Variants in TET1 observed in about 807,000 individuals in gnomAD.
TET1 encodes methylcytosine dioxygenase TET1.
TET1 carries 13 observed loss-of-function variants against 148.7 expected under a neutral mutation model. The observed-to-expected ratio is 0.09, with a 90% CI of 0.06 to 0.14. The LOEUF is 0.14. TET1 is among the 10% of genes least tolerant of loss of function. TET1 has a pLI of 1.00. For synonymous variants in TET1, 907 were observed against 937.2 expected, an observed-to-expected ratio of 0.97 and a Z score of 0.59; for missense variants, 2,182 against 2,553.8, an observed-to-expected ratio of 0.85 and a Z score of 3.14.
At position 68,673,044 on chromosome 10, in the gene TET1, A is replaced by G. The variant is rs755912455; in HGVS notation, c.4823A>G (p.His1608Arg). 5.0e-6 allele frequency: 8 copies of G among 1,602,650 alleles called. No individual in the cohort carries two copies. The highest frequency in any genetic ancestry group is 6.8e-6 in the Non-Finnish European group (8 of 1,172,620). The change falls in exon 8 of 12, where the codon CAT (histidine) becomes CGT (arginine). Residue 1608 changes from histidine (H) to arginine (R), a missense_variant and splice_region_variant. By Grantham distance (29) the His-to-Arg change is conservative. Transcript: ENST00000373644. ...RFRIDPSSPL[H>R]EKNLEDNLQS... Reference sequence around the variant, plus strand: ...AGAATTGATCCAAGCTCTCCCTTACATGTAAGTGTCCTTCTTTATTCAAAT... The same window carrying G: ...AGAATTGATCCAAGCTCTCCCTTACGTGTAAGTGTCCTTCTTTATTCAAAT...
chr10:68,622,710 G>A lies in TET1; in HGVS notation c.1968+21676G>A, dbSNP rs1037397917. ...ACATTGGCAGTTTTAAAGAATCTTG[G>A]TCTGTTATTTTGTAGAATGTCCCTG... On this transcript the variant is annotated intron_variant, in intron 3 of 11. Coordinates refer to ENST00000373644, the MANE Select transcript of TET1 (RefSeq NM_030625.3). Among the ~76,000 whole-genome samples, 17 of 151,898 alleles carry A rather than the reference G, an allele frequency of 1.1e-4. 1 individual carries two copies. Among genetic ancestry groups the A allele is most frequent in the African/African-American group, 3.9e-4 (16 of 41,300 alleles).
chr10:68,595,153 G>GA lies in TET1; in HGVS notation c.1915-5814dup, dbSNP rs113065548. 3.3e-3 allele frequency among the ~76,000 whole-genome samples: 443 copies of GA among 135,360 alleles called. 1 individual carries two copies. Among genetic ancestry groups the GA allele is most frequent in the Middle Eastern group, 0.019 (5 of 264 alleles). The allele number at this position is 135,360 out of a possible 152,430, so 88.8% of individuals were successfully genotyped here. On this transcript the variant is annotated intron_variant, in intron 2 of 11. Coordinates refer to ENST00000373644, the MANE Select transcript of TET1 (RefSeq NM_030625.3). The stretch of plus-strand genomic sequence containing the variant: ...GGGGAAGAGAGTGAGACCCTATCAA[G>GA]AAAAAAAAAAAAAATCTCTGAAAGG...
At chr10:68,561,542 C>G (rs1205383857) in intron 1 of TET1, among the ~76,000 whole-genome samples, 1 of 152,156 alleles carries the variant, frequency 6.6e-6, no homozygotes, top group Non-Finnish European at 1.5e-5. Flanking sequence ...GATCCCGGAG[C>G]GGGCCCCGAG....
chr10:68,562,120 C>A (rs775811140), intron 1 of TET1, among the ~76,000 whole-genome samples: 1 of 152,196 alleles, frequency 6.6e-6, no homozygotes, highest in Non-Finnish European at 1.5e-5. Context: ...CCTGGGCCGG[C>A]GGGGTGAGCC....
Position 68,613,939 on chromosome 10 carries a change from A to C in TET1, c.1968+12905A>C, listed in dbSNP as rs1326630922. 4.6e-5 allele frequency among the ~76,000 whole-genome samples: 3 copies of C among 64,856 alleles called. No homozygotes were observed. In the South Asian group the frequency reaches 1.4e-3, roughly 31 times the overall value. The allele number at this position is 64,856 out of a possible 152,430, so 42.5% of individuals were successfully genotyped here. On this transcript the variant is annotated intron_variant, in intron 3 of 11. Coordinates refer to ENST00000373644, the MANE Select transcript of TET1 (RefSeq NM_030625.3). ...GAGGACAAGAGCGAGACTTCGTCTC[A>C]AAAAAAAAAAAAAAAATTGCTGTTT...
chr10:68,619,404 A>AT (rs998347957), intron 3 of TET1, among the ~76,000 whole-genome samples: 2 of 151,980 alleles, frequency 1.3e-5, no homozygotes, highest in Non-Finnish European at 2.9e-5. Context: ...TTTTTAAAAT[A>AT]TTTTTTGTAG....
Position 68,573,905 on chromosome 10 carries a change from C to A in TET1, c.1567C>A (p.Leu523Ile), listed in dbSNP as rs2053699744. ...GTTCCCATTAGCCCCTGAGAGAGGA[C>A]TCTTCCATGCTTCACTGGGTATAGC... is the stretch of plus-strand genomic sequence containing the variant. Reference protein sequence around the residue: ...QGFPLAPERGLFHASLGIAQL... With the variant: ...QGFPLAPERGIFHASLGIAQL... The change falls in exon 2 of 12, where the codon CTC (leucine) becomes ATC (isoleucine). Residue 523 changes from leucine (L) to isoleucine (I), a missense_variant. Around this residue, in one of 11 missense-constraint regions of TET1, gnomAD observed 665 missense variants for 672.4 expected, o/e 0.99. Transcript: ENST00000373644. 6.2e-7 allele frequency: 1 copy of A among 1,614,044 alleles called. No individual in the cohort carries two copies. Among genetic ancestry groups the A allele is most frequent in the Admixed American group, 1.7e-5 (1 of 59,994 alleles).
chr10:68,633,666 A>G (rs2054610603), intron 3 of TET1, among the ~76,000 whole-genome samples: 1 of 152,142 alleles, frequency 6.6e-6, no homozygotes, highest in Non-Finnish European at 1.5e-5. Flanking sequence ...CCTGACCTCA[A>G]GTGATCTGCT....
chr10:68,599,069 A>G (rs999941797), intron 2 of TET1, among the ~76,000 whole-genome samples: 1 of 152,202 alleles, frequency 6.6e-6, no homozygotes, highest in Non-Finnish European at 1.5e-5. Context: ...TGGAAAAACA[A>G]CGCATGCCGG....
At chr10:68,641,254 G>A (rs1184726933) in intron 3 of TET1, among the ~76,000 whole-genome samples, 2 of 152,036 alleles carry the variant, frequency 1.3e-5, no homozygotes, top group African/African-American at 4.8e-5. Context: ...CCAGGCTAGA[G>A]TGTAATGGCA....
chr10:68,637,842 A>G (rs1288080334), intron 3 of TET1, among the ~76,000 whole-genome samples: 1 of 151,060 alleles, frequency 6.6e-6, no homozygotes, highest in Non-Finnish European at 1.5e-5. Flanking sequence ...ACACTCCAGC[A>G]TGGGTGACAG....
intron 7 of TET1, among the ~76,000 whole-genome samples, chr10:68,672,487 C>CAAAAA (rs71483920): frequency 0.048 from 2,317 of 48,688 alleles, 226 homozygotes; most frequent in South Asian, 0.084. Context: ...GACCCCATCT[C>CAAAAA]AAAAAAAAAA....
intron 6 of TET1, among the ~76,000 whole-genome samples, chr10:68,656,332 G>C (rs932035034): frequency 1.1e-4 from 17 of 152,100 alleles, no homozygotes; most frequent in Admixed American, 3.9e-4. Flanking sequence ...GCTCAATCTC[G>C]GCTCACTGCA....
At chr10:68,593,915 ATTTTTTTT>A (rs3998851) in intron 2 of TET1, among the ~76,000 whole-genome samples, 56 of 44,750 alleles carry the variant, frequency 1.3e-3, no homozygotes, top group Admixed American at 3.1e-3. Context: ...CGCCTGAGCT[ATTTTTTTT>A]TTTTTTTTTT....
rs1257248698 is a variant in TET1 at position 68,580,803 on chromosome 10, A to AT, written c.1914+6551_1914+6552insT. Among the ~76,000 whole-genome samples, 215 of 120,260 alleles carry AT rather than the reference A, an allele frequency of 1.8e-3. 1 individual carries two copies. Among genetic ancestry groups the AT allele is most frequent in the East Asian group, 8.2e-3 (35 of 4,262 alleles). The allele number at this position is 120,260 out of a possible 152,430, so 78.9% of individuals were successfully genotyped here. A position where few individuals can be genotyped will look rare whatever the true frequency, so the allele number is the denominator to read the frequency against. On this transcript the variant is annotated intron_variant, in intron 2 of 11. Coordinates refer to ENST00000373644, the MANE Select transcript of TET1 (RefSeq NM_030625.3). ...ATCTCAAAAAAAAAAAAAAAAAAAA[A>AT]AAATATATATATATATATATGGCGT...
chr10:68,616,436 C>T (rs1410016838), intron 3 of TET1, among the ~76,000 whole-genome samples: 16 of 152,202 alleles, frequency 1.1e-4, no homozygotes, highest in Non-Finnish European at 1.8e-4. Flanking sequence ...TCTGGAGACA[C>T]ATGTCAATTT....
intron 3 of TET1, among the ~76,000 whole-genome samples, chr10:68,610,482 T>G (rs1390974669): frequency 6.6e-6 from 1 of 151,868 alleles, no homozygotes; most frequent in African/African-American, 2.4e-5. Context: ...TCCCAGCTAC[T>G]CGGGAAGCTG....
chr10:68,575,450 C>T (rs183893909), intron 2 of TET1, among the ~76,000 whole-genome samples: 164 of 151,242 alleles, frequency 1.1e-3, no homozygotes, highest in African/African-American at 3.8e-3. Context: ...GTGGTTTACA[C>T]CTGTAATCCC....
chr10:68,579,625 G>A (rs1471174452), intron 2 of TET1, among the ~76,000 whole-genome samples: 1 of 152,154 alleles, frequency 6.6e-6, no homozygotes, highest in Admixed American at 6.5e-5. Context: ...CTAACTACAT[G>A]TAGTGTTCTC....
Sources: gnomAD v4.1 joint callset for allele counts (sites outside exome capture counted in the v4.1 genomes callset) on GRCh38, gnomAD v4.1.1 for gene constraint, gnomAD v4.1.1 regional missense constraint, MANE v1.5 for transcripts, NCBI Gene and HGNC (gene_info 2026-07-23, HGNC 2026-07-21) for gene names.